Variants in TM4SF18 observed in about 807,000 individuals in gnomAD.
The protein encoded by TM4SF18 is transmembrane 4 L six family member 18.
TM4SF18 carries 22 observed loss-of-function variants against 23.8 expected under a neutral mutation model. The ratio of observed to expected loss-of-function variants is 0.92; its 90% CI spans 0.66 to 1.32. The LOEUF is 1.32. TM4SF18 is among the 40% of genes most tolerant of loss of function. The pLI is 0.00. For synonymous variants in TM4SF18, 87 were observed against 87.9 expected (o/e 0.99, Z 0.06); for missense variants, 255 against 240.3 (o/e 1.06, Z -0.41).
intron 1 of TM4SF18, 29 bp downstream of exon 1, chr3:149,333,482 CTT>C (rs1553772228): frequency 4.8e-3 from 1,143 of 236,604 alleles, no homozygotes; most frequent in Middle Eastern, 6.7e-3. Context: ...CTCTCTCTCT[CTT>C]TTTTTTTTTT....
At position 149,319,187 on chromosome 3, in the gene TM4SF18, A is replaced by G. The variant is rs376812543; in HGVS notation, c.*2291T>C. On this transcript the variant is annotated 3_prime_UTR_variant, in exon 6 of 6. Coordinates refer to ENST00000296059, the MANE Select transcript of TM4SF18 (RefSeq NM_138786.4). ...TCTAAACAAGAGATAGACAGTCTGA[A>G]AGTATATAACAAACTGATGAAGTGG... The G allele has an allele frequency of 2.0e-5, 3 of 152,238 alleles. No homozygotes were observed. Among genetic ancestry groups the G allele is most frequent in the African/African-American group, 7.2e-5 (3 of 41,460 alleles). The allele number at this position is 152,238 out of a possible 1,614,324, so 9.4% of individuals were successfully genotyped here. A position where few individuals can be genotyped will look rare whatever the true frequency, so the allele number is the denominator to read the frequency against.
At chr3:149,323,004 G>A (rs772906045) in intron 4 of TM4SF18, among the ~76,000 whole-genome samples, 12 of 150,976 alleles carry the variant, frequency 7.9e-5, no homozygotes, top group Non-Finnish European at 1.2e-4. Flanking sequence ...CCTGGTTCAC[G>A]CCATTCTCCT....
In TM4SF18 at chr3:149,323,768, T is replaced by C. The variant is rs924791449; in HGVS notation, c.410+1112A>G. On this transcript the variant is annotated intron_variant, in intron 4 of 5. Coordinates refer to ENST00000296059, the MANE Select transcript of TM4SF18 (RefSeq NM_138786.4). ...AAAAAGAGCAGAATAACAGAGATTT[T>C]TAGGGAACAAGGGAAGACAACCATA... Among the ~76,000 whole-genome samples the C allele has an allele frequency of 2.0e-5, 3 of 152,172 alleles. No homozygotes were observed. The East Asian group carries it at 5.8e-4, about 29-fold the overall frequency.
chr3:149,333,590 CAG>C lies in TM4SF18; in HGVS notation c.-97_-96del. 2.4e-6 allele frequency: 1 copy of C among 425,104 alleles called. No individual in the cohort carries two copies. The highest frequency in any genetic ancestry group is 3.4e-5 in the East Asian group (1 of 29,410). 26.3% of individuals were successfully genotyped at this position (425,104 alleles called of 1,614,324 possible). A position where few individuals can be genotyped will look rare whatever the true frequency, so the allele number is the denominator to read the frequency against. On this transcript the variant is annotated 5_prime_UTR_variant, in exon 1 of 6. Coordinates refer to ENST00000296059, the MANE Select transcript of TM4SF18 (RefSeq NM_138786.4). ...GGAATATACCCGCAGCCGACAATCT[CAG>C]TGTGAAATACTGGTTTACTGTTTGG... is the stretch of plus-strand genomic sequence containing the variant.
chr3:149,325,672 T>TA (rs1032772399), intron 3 of TM4SF18, among the ~76,000 whole-genome samples: 1 of 152,134 alleles, frequency 6.6e-6, no homozygotes, highest in African/African-American at 2.4e-5. Context: ...GACATGGTAC[T>TA]AATGCTGGGA....
intron 2 of TM4SF18, among the ~76,000 whole-genome samples, chr3:149,332,080 T>C (rs1266298064): frequency 1.3e-5 from 2 of 152,164 alleles, no homozygotes; most frequent in Non-Finnish European, 2.9e-5. Flanking sequence ...ACATAAGCAT[T>C]TTCATGGATC....
In TM4SF18 at chr3:149,320,261, G is replaced by A. The variant is rs1014949949; in HGVS notation, c.*1217C>T. ...GTAACTACAGGAAGCAGAAAACCTG[G>A]TATGAGCATTCAACACTGAGTGCCT... On this transcript the variant is annotated 3_prime_UTR_variant, in exon 6 of 6. Coordinates refer to ENST00000296059, the MANE Select transcript of TM4SF18 (RefSeq NM_138786.4). 1 of 152,222 alleles carries A rather than the reference G, an allele frequency of 6.6e-6. No individual in the cohort carries two copies. Among genetic ancestry groups the A allele is most frequent in the African/African-American group, 2.4e-5 (1 of 41,438 alleles). 9.4% of individuals were successfully genotyped at this position (152,222 alleles called of 1,614,324 possible).
intron 3 of TM4SF18, 44 bp from the exon 4 acceptor site, chr3:149,325,066 A>C (rs1730909243): frequency 6.3e-7 from 1 of 1,590,358 alleles, no homozygotes; most frequent in Admixed American, 1.7e-5. Context: ...AGAATGCGAC[A>C]AGGGGATATT....
chr3:149,322,145 A>G, intron 5 of TM4SF18, 111 bp downstream of exon 5: 2 of 952,416 alleles, frequency 2.1e-6, no homozygotes, highest in Non-Finnish European at 3.1e-6. Context: ...TGAGGGCAAT[A>G]GAAATGGGGG....
chr3:149,332,084 A>G (rs1427880605), intron 2 of TM4SF18, among the ~76,000 whole-genome samples: 1 of 152,190 alleles, frequency 6.6e-6, no homozygotes, highest in Non-Finnish European at 1.5e-5. Context: ...AAGCATTTTC[A>G]TGGATCTTGA....
In TM4SF18 at chr3:149,318,866, G is replaced by C. The variant is rs1219559873; in HGVS notation, c.*2612C>G. ...TATGGTTACTTAATTAAAAATTTGG[G>C]CTCAAACTGCATACATATATTTGGT... On this transcript the variant is annotated 3_prime_UTR_variant, in exon 6 of 6. Coordinates refer to ENST00000296059, the MANE Select transcript of TM4SF18 (RefSeq NM_138786.4). The C allele has an allele frequency of 6.6e-6, 1 of 151,968 alleles. No homozygotes were observed. Among genetic ancestry groups the C allele is most frequent in the African/African-American group, 2.4e-5 (1 of 41,344 alleles). The allele number at this position is 151,968 out of a possible 1,614,324, so 9.4% of individuals were successfully genotyped here. A position where few individuals can be genotyped will look rare whatever the true frequency, so the allele number is the denominator to read the frequency against.
intron 5 of TM4SF18, 45 bp from the exon 6 acceptor site, chr3:149,321,537 G>A (rs2015626): frequency 0.24 from 328,526 of 1,392,966 alleles, 39,999 homozygotes; most frequent in Admixed American, 0.32. Context: ...TTATAAACTT[G>A]GCTTGATTAG....
rs925271272 is a variant in TM4SF18, at chr3:149,319,084, TG to T, written c.*2393del. The T allele has an allele frequency of 5.3e-5, 8 of 152,210 alleles. No homozygotes were observed. The highest frequency in any genetic ancestry group is 1.2e-4 in the Non-Finnish European group (8 of 68,044). 9.4% of individuals were successfully genotyped at this position (152,210 alleles called of 1,614,324 possible). A position where few individuals can be genotyped will look rare whatever the true frequency, so the allele number is the denominator to read the frequency against. On this transcript the variant is annotated 3_prime_UTR_variant, in exon 6 of 6. Transcript: ENST00000296059. ...ATCATGCTGCATTTGGCTGTACCCC[TG>T]ATGTGTCCAATGCTGTGGTGGAGTC...
At chr3:149,323,999 A>AT (rs1174704844) in intron 4 of TM4SF18, among the ~76,000 whole-genome samples, 1 of 152,240 alleles carries the variant, frequency 6.6e-6, no homozygotes, top group African/African-American at 2.4e-5. Flanking sequence ...CTAGATGCAC[A>AT]TGTAAGACCT....
intron 2 of TM4SF18, among the ~76,000 whole-genome samples, chr3:149,331,035 A>C (rs983959014): frequency 2.0e-5 from 3 of 152,200 alleles, no homozygotes; most frequent in Non-Finnish European, 4.4e-5. Context: ...TATTTTAGGC[A>C]AAAGGCCAGA....
chr3:149,322,904 A>ATTTTTTTTTTTTTTTTTTTTTTT (rs1576830684), intron 4 of TM4SF18, among the ~76,000 whole-genome samples: 4 of 95,300 alleles, frequency 4.2e-5, no homozygotes, highest in Non-Finnish European at 8.9e-5. Context: ...TGGCCTCCAG[A>ATTTTTTTTTTTTTTTTTTTTTTT]CTTTTTTTTT....
At chr3:149,324,146 G>C (rs968150567) in intron 4 of TM4SF18, among the ~76,000 whole-genome samples, 6 of 152,034 alleles carry the variant, frequency 3.9e-5, no homozygotes, top group African/African-American at 1.2e-4. Flanking sequence ...ATTTCTTTCT[G>C]GGCCCTGCTA....
intron 4 of TM4SF18, among the ~76,000 whole-genome samples, chr3:149,323,466 T>C (rs1194160605): frequency 1.3e-5 from 2 of 152,210 alleles, no homozygotes; most frequent in East Asian, 3.9e-4. Context: ...TAAAACAAGA[T>C]GACTTGCAAT....
chr3:149,329,932 T>C (rs1177805476), intron 3 of TM4SF18: 1 of 154,074 alleles, frequency 6.5e-6, no homozygotes, highest in Non-Finnish European at 1.4e-5. Flanking sequence ...AGAAATATTC[T>C]GTTATCTTGA....
Sources: allele counts gnomAD v4.1 joint callset (sites outside exome capture counted in the v4.1 genomes callset), GRCh38; gene constraint gnomAD v4.1.1; transcripts MANE v1.5; gene names NCBI Gene and HGNC (gene_info 2026-07-23, HGNC 2026-07-21).